Variants in DNAJC6 observed in about 807,000 individuals in gnomAD.
DNAJC6 encodes the protein DnaJ heat shock protein family (Hsp40) member C6.
A neutral mutation model predicts 110.0 loss-of-function variants in DNAJC6; 34 were observed. The ratio of observed to expected loss-of-function variants is 0.31; its 90% confidence interval spans 0.24 to 0.41. The LOEUF is 0.41. Ranked by LOEUF, DNAJC6 falls within the 10% of genes least tolerant of loss-of-function variation. DNAJC6 has a pLI of 1.00. For synonymous variants in DNAJC6, 406 were observed against 437.2 expected (o/e 0.93, Z 0.89); for missense variants, 1,031 against 1,207.8 (o/e 0.85, Z 2.17).
chr1:65,385,367 A>G (rs1313005795), intron 6 of DNAJC6, among the ~76,000 whole-genome samples: 1 of 152,216 alleles, frequency 6.6e-6, no homozygotes, highest in African/African-American at 2.4e-5. Context: ...TTCTGATGAT[A>G]AAATTCTAAA....
chr1:65,398,870 A>G lies in DNAJC6; in HGVS notation c.2096A>G (p.His699Arg). ...QPDVSGGWDW[H>R]AKPGGFGMGS... ...GATGTTTCTGGAGGTTGGGACTGGC[A>G]TGCTAAACCAGGTAAAAGCAGGTTA... Residue 699 changes from histidine to arginine, a missense_variant, in exon 14 of 19, where the codon CAT (histidine) becomes CGT (arginine). His to Arg is a conservative substitution (Grantham distance 29). Transcript: ENST00000371069. 3.1e-6 allele frequency: 5 copies of G among 1,614,106 alleles called. No individual in the cohort carries two copies. The highest frequency in any genetic ancestry group is 2.2e-5 in the East Asian group (1 of 44,884).
chr1:65,307,018 C>CTCTCTCTCTATATA (rs1465563773), upstream of DNAJC6, among the ~76,000 whole-genome samples: 1 of 70,716 alleles, frequency 1.4e-5, no homozygotes, highest in African/African-American at 5.3e-5. Context: ...CTCTCTCTCT[C>CTCTCTCTCTATATA]TATATATATA....
At chr1:65,321,937 A>G (rs1283455058) in intron 1 of DNAJC6, among the ~76,000 whole-genome samples, 1 of 152,152 alleles carries the variant, frequency 6.6e-6, no homozygotes, top group Non-Finnish European at 1.5e-5. Flanking sequence ...ATTGGTTTAG[A>G]TTGCCTTGAA....
chr1:65,298,786 T>C (rs2275225), intron 1 of DNAJC6: 97,517 of 152,154 alleles, frequency 0.64, 31,464 homozygotes, highest in East Asian at 0.79. Flanking sequence ...GCCTTCCTCA[T>C]CTCAAATTCT....
At chr1:65,335,123 TC>T (rs1046379839) in intron 1 of DNAJC6, among the ~76,000 whole-genome samples, 2 of 151,770 alleles carry the variant, frequency 1.3e-5, no homozygotes, top group Non-Finnish European at 2.9e-5. Flanking sequence ...TTTTTTTTTT[TC>T]TTTAAACAGA....
At chr1:65,322,256 A>G (rs1049271780) in intron 1 of DNAJC6, among the ~76,000 whole-genome samples, 1 of 152,234 alleles carries the variant, frequency 6.6e-6, no homozygotes, top group Non-Finnish European at 1.5e-5. Flanking sequence ...GCAGTGATAC[A>G]GGTTAATGAA....
At chr1:65,310,696 T>A (rs918659966) in intron 1 of DNAJC6, among the ~76,000 whole-genome samples, 2 of 152,128 alleles carry the variant, frequency 1.3e-5, no homozygotes, top group Non-Finnish European at 2.9e-5. Context: ...CAAGTTAGAG[T>A]CCTCTCTTGG....
At position 65,304,446 on chromosome 1, in the gene DNAJC6, C is replaced by A. The variant is rs571356176; in HGVS notation, c.-131+39514C>A. On this transcript the variant is annotated intron_variant, in intron 1 of 19. Transcript: ENST00000263441. ...TTATGCATGCATTTCTATAGCAAAA[C>A]CTTGATTAACTGGGACACAGCAAAC... Among the ~76,000 whole-genome samples the A allele has an allele frequency of 3.3e-5, 5 of 152,294 alleles. No homozygotes were observed. The East Asian group carries it at 9.7e-4, about 29-fold the overall frequency.
At chr1:65,347,962 C>A (rs1366903987) in intron 1 of DNAJC6, among the ~76,000 whole-genome samples, 3 of 152,150 alleles carry the variant, frequency 2.0e-5, no homozygotes, top group Non-Finnish European at 4.4e-5. Flanking sequence ...CAGAGAATGA[C>A]CAATGGCAAT....
intron 1 of DNAJC6, among the ~76,000 whole-genome samples, chr1:65,331,533 G>A (rs1469339358): frequency 1.3e-5 from 2 of 152,318 alleles, no homozygotes; most frequent in Middle Eastern, 3.4e-3. Flanking sequence ...ACAGGGTGAA[G>A]CTGCCACCTG....
chr1:65,369,619 C>A (rs9436717), intron 4 of DNAJC6, among the ~76,000 whole-genome samples: 37,569 of 152,026 alleles, frequency 0.25, 8,055 homozygotes, highest in East Asian at 0.59. Flanking sequence ...GAGTCTGGAT[C>A]TGCCCACATC....
chr1:65,297,418 A>G (rs1446314163), intron 1 of DNAJC6, among the ~76,000 whole-genome samples: 1 of 152,168 alleles, frequency 6.6e-6, no homozygotes, highest in African/African-American at 2.4e-5. Context: ...TGATTTTCTT[A>G]TCTTTAAATT....
intron 1 of DNAJC6, among the ~76,000 whole-genome samples, chr1:65,276,961 C>T (rs1653693135): frequency 1.3e-5 from 2 of 152,172 alleles, no homozygotes; most frequent in Admixed American, 6.5e-5. Flanking sequence ...AAGTCAGGCT[C>T]ACCTCAGTGA....
At chr1:65,385,955 T>C (rs1645867933) in intron 7 of DNAJC6, 49 bp downstream of exon 7, 1 of 1,458,888 alleles carries the variant, frequency 6.9e-7, no homozygotes. Flanking sequence ...AATTCTCATG[T>C]AAATGAGCAG....
At chr1:65,347,600 G>T (rs931040004) in intron 1 of DNAJC6, among the ~76,000 whole-genome samples, 7 of 151,954 alleles carry the variant, frequency 4.6e-5, no homozygotes, top group African/African-American at 1.7e-4. Flanking sequence ...CAAAATATAG[G>T]TAATGTTTAT....
intron 1 of DNAJC6, among the ~76,000 whole-genome samples, chr1:65,342,558 A>C (rs1645398654): frequency 6.6e-6 from 1 of 152,174 alleles, no homozygotes; most frequent in African/African-American, 2.4e-5. Flanking sequence ...GTTCTTAATA[A>C]GCCACTCAAT....
chr1:65,265,698 T>C (rs746998284), intron 1 of DNAJC6, among the ~76,000 whole-genome samples: 5 of 152,164 alleles, frequency 3.3e-5, no homozygotes, highest in Non-Finnish European at 2.9e-5. Context: ...TCTGCCGCAG[T>C]TGGGGGAGGA....
At position 65,413,125 on chromosome 1, in the gene DNAJC6, G is replaced by A; in HGVS notation, c.*100G>A. The stretch of plus-strand genomic sequence containing the variant: ...GATGAACCAAAAACTCCAGTAACAT[G>A]TTTTCAGTACTAAACCGTTAAGTTA... On this transcript the variant is annotated 3_prime_UTR_variant, in exon 19 of 19. Coordinates refer to ENST00000371069, the MANE Select transcript of DNAJC6 (RefSeq NM_001256864.2). 1 of 932,964 alleles carries A rather than the reference G, an allele frequency of 1.1e-6. No homozygotes were observed. The highest frequency in any genetic ancestry group is 1.7e-6 in the Non-Finnish European group (1 of 595,840). 57.8% of individuals were successfully genotyped at this position (932,964 alleles called of 1,614,324 possible).
chr1:65,368,673 C>G (rs1337504627), intron 4 of DNAJC6, among the ~76,000 whole-genome samples: 1 of 149,204 alleles, frequency 6.7e-6, no homozygotes, highest in Non-Finnish European at 1.5e-5. Flanking sequence ...TCCTTCCTCT[C>G]TCCCTTCCTC....
Sources: gnomAD v4.1 joint callset for allele counts (sites outside exome capture counted in the v4.1 genomes callset) on GRCh38, gnomAD v4.1.1 for gene constraint, MANE v1.5 for transcripts, NCBI Gene and HGNC (gene_info 2026-07-23, HGNC 2026-07-21) for gene names.